The following MOB3B variants were observed in gnomAD, a reference collection of about 807,000 sequenced individuals.
MOB3B encodes the protein MOB kinase activator 3B, also known as MOB kinase activator-like 2B.
Under a neutral mutation model 18.7 loss-of-function variants are expected in MOB3B, and 7 were observed. That is an observed-to-expected ratio of 0.37 (90% CI 0.21 to 0.70). MOB3B has a LOEUF of 0.70. Ranked by LOEUF, MOB3B falls within the 30% of genes least tolerant of loss-of-function variation. MOB3B has a pLI of 0.52. For missense variants in MOB3B, 253 were observed against 281.3 expected, an observed-to-expected ratio of 0.90 and a Z score of 0.72; for synonymous variants, 111 against 99.9, an observed-to-expected ratio of 1.11 and a Z score of -0.66.
chr9:27,515,842 C>T (rs774057203), intron 1 of MOB3B, among the ~76,000 whole-genome samples: 2 of 152,124 alleles, frequency 1.3e-5, no homozygotes, highest in Admixed American at 6.5e-5. Flanking sequence ...GTGTCTCCCC[C>T]AAAAATATAC....
chr9:27,393,922 C>G (rs1250345744), intron 2 of MOB3B, among the ~76,000 whole-genome samples: 1 of 152,056 alleles, frequency 6.6e-6, no homozygotes, highest in Non-Finnish European at 1.5e-5. Flanking sequence ...AAAGAGAGAT[C>G]TTATTGAACA....
intron 1 of MOB3B, among the ~76,000 whole-genome samples, chr9:27,525,158 T>G (rs1661408406): frequency 1.3e-5 from 2 of 152,132 alleles, no homozygotes; most frequent in African/African-American, 4.8e-5. Context: ...AGAGTCTCCT[T>G]AGAAAGTCTT....
chr9:27,356,552 T>C (rs934540321), intron 3 of MOB3B, among the ~76,000 whole-genome samples: 1 of 152,198 alleles, frequency 6.6e-6, no homozygotes, highest in Non-Finnish European at 1.5e-5. Context: ...TCCTACAATG[T>C]TGTCTTTATG....
At chr9:27,496,363 C>T (rs1044780599) in intron 1 of MOB3B, among the ~76,000 whole-genome samples, 3 of 152,202 alleles carry the variant, frequency 2.0e-5, no homozygotes, top group East Asian at 1.9e-4. Context: ...CTTGCCCAAA[C>T]GTGATCTATT....
chr9:27,471,953 C>T (rs1819478728), intron 1 of MOB3B, among the ~76,000 whole-genome samples: 1 of 152,194 alleles, frequency 6.6e-6, no homozygotes, highest in South Asian at 2.1e-4. Context: ...CAGAAAGAAT[C>T]ATCCCGAGTC....
chr9:27,443,147 T>A (rs1822620767), intron 2 of MOB3B, among the ~76,000 whole-genome samples: 1 of 152,182 alleles, frequency 6.6e-6, no homozygotes, highest in African/African-American at 2.4e-5. Context: ...TCCCAAGGGA[T>A]CCTGATGCTG....
At chr9:27,405,960 G>A (rs547200918) in intron 2 of MOB3B, among the ~76,000 whole-genome samples, 8 of 152,250 alleles carry the variant, frequency 5.3e-5, no homozygotes, top group African/African-American at 1.9e-4. Flanking sequence ...CATACCCATA[G>A]CTAGAATCAT....
intron 2 of MOB3B, among the ~76,000 whole-genome samples, chr9:27,378,958 G>A (rs1821533178): frequency 6.6e-6 from 1 of 152,184 alleles, no homozygotes; most frequent in South Asian, 2.1e-4. Context: ...TCTTTCCACT[G>A]CTCTGTTCTG....
intron 2 of MOB3B, among the ~76,000 whole-genome samples, chr9:27,434,087 T>C (rs1256229675): frequency 6.6e-6 from 1 of 152,158 alleles, no homozygotes; most frequent in Non-Finnish European, 1.5e-5. Context: ...TCTTACTACT[T>C]CTGCAGACTG....
intron 2 of MOB3B, among the ~76,000 whole-genome samples, chr9:27,396,375 A>G (rs975193923): frequency 2.0e-5 from 3 of 152,194 alleles, no homozygotes; most frequent in African/African-American, 7.2e-5. Flanking sequence ...AAGTTTGCCA[A>G]TCGGTTATCC....
intron 3 of MOB3B, among the ~76,000 whole-genome samples, chr9:27,348,525 C>T (rs1009130908): frequency 2.6e-5 from 4 of 151,954 alleles, no homozygotes; most frequent in African/African-American, 9.7e-5. Flanking sequence ...TAGTAGCATG[C>T]ACCTCTCATT....
chr9:27,516,229 A>G (rs1820231791), intron 1 of MOB3B, among the ~76,000 whole-genome samples: 1 of 152,202 alleles, frequency 6.6e-6, no homozygotes, highest in South Asian at 2.1e-4. Context: ...CCATTGTTCT[A>G]AGCCACCTAA....
At chr9:27,386,793 G>A (rs1821655513) in intron 2 of MOB3B, among the ~76,000 whole-genome samples, 2 of 152,196 alleles carry the variant, frequency 1.3e-5, no homozygotes, top group Non-Finnish European at 2.9e-5. Context: ...AGCAATCAAA[G>A]TATCAGCTCA....
chr9:27,467,907 T>C (rs536944897), intron 1 of MOB3B, among the ~76,000 whole-genome samples: 1 of 152,378 alleles, frequency 6.6e-6, no homozygotes, highest in South Asian at 2.1e-4. Context: ...TTTGTTTTTG[T>C]TGTTGTATTG....
At chr9:27,435,322 T>C (rs948093872) in intron 2 of MOB3B, among the ~76,000 whole-genome samples, 54 of 152,360 alleles carry the variant, frequency 3.5e-4, no homozygotes, top group African/African-American at 1.3e-3. Flanking sequence ...GTTTTCCCCA[T>C]GTGTACATAA....
intron 3 of MOB3B, among the ~76,000 whole-genome samples, chr9:27,340,250 A>G (rs1467608553): frequency 1.3e-5 from 2 of 152,234 alleles, no homozygotes; most frequent in African/African-American, 4.8e-5. Context: ...GCACATATAC[A>G]TATGTATGGC....
intron 1 of MOB3B, among the ~76,000 whole-genome samples, chr9:27,472,665 C>T (rs1397899694): frequency 8.7e-6 from 1 of 114,804 alleles, no homozygotes; most frequent in Non-Finnish European, 1.7e-5. Context: ...TCTCTTTAAA[C>T]TGCACTTTAT....
chr9:27,515,839 C>T (rs770460159), intron 1 of MOB3B, among the ~76,000 whole-genome samples: 1 of 152,166 alleles, frequency 6.6e-6, no homozygotes, highest in African/African-American at 2.4e-5. Flanking sequence ...ACTGTGTCTC[C>T]CCCAAAAATA....
At chr9:27,414,913 G>A (rs886845288) in intron 2 of MOB3B, among the ~76,000 whole-genome samples, 1 of 152,026 alleles carries the variant, frequency 6.6e-6, no homozygotes, top group Non-Finnish European at 1.5e-5. Flanking sequence ...CCAGGCTGGA[G>A]TGCAGTGGTG....
Sources: gnomAD v4.1 joint callset for allele counts (sites outside exome capture counted in the v4.1 genomes callset) on GRCh38, gnomAD v4.1.1 for gene constraint, MANE v1.5 for transcripts, NCBI Gene and HGNC (gene_info 2026-07-23, HGNC 2026-07-21) for gene names.